GTF2F1: variants seen among roughly 807,000 people sequenced by gnomAD.
GTF2F1 encodes the protein general transcription factor IIF 74 kDa subunit.
A neutral mutation model predicts 63.5 loss-of-function variants in GTF2F1; 39 were observed. That is an observed-to-expected ratio of 0.61 (90% CI 0.48 to 0.80). The LOEUF (loss-of-function observed/expected upper bound fraction) is 0.80. GTF2F1 is among the 30% of genes least tolerant of loss of function. The probability of loss-of-function intolerance (pLI) is 0.00; values close to 1 mark genes in which losing one functional copy is unlikely to be tolerated. For synonymous variants in GTF2F1, 287 were observed against 285.3 expected (o/e 1.01, Z -0.06); for missense variants, 657 against 718.3 (o/e 0.91, Z 0.97).
intron 4 of GTF2F1, among the ~76,000 whole-genome samples, chr19:6,388,900 C>T (rs553486753): frequency 2.0e-5 from 3 of 152,238 alleles, no homozygotes; most frequent in South Asian, 2.1e-4. Flanking sequence ...GAGCTACGAT[C>T]GCACCACTGC....
chr19:6,388,927 C>T (rs573355356), intron 4 of GTF2F1, among the ~76,000 whole-genome samples: 2 of 152,200 alleles, frequency 1.3e-5, no homozygotes, highest in South Asian at 2.1e-4. Context: ...GCCTGGGCAA[C>T]GGAGTGAGAC....
At position 6,381,723 on chromosome 19, in the gene GTF2F1, C is replaced by G. The variant is rs143508435; in HGVS notation, c.810G>C (p.Glu270Asp). 3.1e-6 allele frequency: 5 copies of G among 1,614,194 alleles called. No homozygotes were observed. Among genetic ancestry groups the G allele is most frequent in the Middle Eastern group, 1.6e-4 (1 of 6,062 alleles). Residue 270 changes from glutamate (E) to aspartate (D), a missense_variant, in exon 7 of 13, where the codon GAG becomes GAC. Around this residue, in one of 2 missense-constraint regions of GTF2F1, gnomAD observed 602 missense variants for 625.6 expected, o/e 0.96. Coordinates refer to ENST00000394456, the MANE Select transcript of GTF2F1 (RefSeq NM_002096.3). This position sits in a 1 kb window ranked among gnomAD's most constrained non-coding sequence, Gnocchi z 4.1. Reference sequence around the variant, plus strand: ...TGGAGCCGTCTGACATGTAGTCCACCTCTTGGCCCTCGAAGTCCCCATCAT... The same window carrying G: ...TGGAGCCGTCTGACATGTAGTCCACGTCTTGGCCCTCGAAGTCCCCATCAT... ...DSDDGDFEGQ[E>D]VDYMSDGSSS...
chr19:6,389,595 C>T lies in GTF2F1; in HGVS notation c.175G>A (p.Glu59Lys), dbSNP rs761604504. 6.2e-7 allele frequency: 1 copy of T among 1,614,178 alleles called. No homozygotes were observed. The highest frequency in any genetic ancestry group is 1.7e-5 in the Admixed American group (1 of 60,036). Reference sequence around the variant, plus strand: ...GCGCCCGATTCGGGCATCTCCTCCTCTTGGTAGATTTTCTTGTTGCTCAAG... The same window carrying T: ...GCGCCCGATTCGGGCATCTCCTCCTTTTGGTAGATTTTCTTGTTGCTCAAG... ...RDLSNKKIYQ[E>K]EEMPESGAGS... The change falls in exon 4 of 13, where the codon GAG becomes AAG. Residue 59 changes from glutamate to lysine, a missense_variant. Glu to Lys is a moderately conservative substitution (Grantham distance 56, BLOSUM62 1). This residue lies in a region of GTF2F1 where 602 missense variants were observed against 625.6 expected (regional missense o/e 0.96). Coordinates refer to ENST00000394456, the MANE Select transcript of GTF2F1 (RefSeq NM_002096.3).
Position 6,392,531 on chromosome 19 carries a change from TGGAAA to T in GTF2F1, c.59+321_59+325del, listed in dbSNP as rs1335943806. Reference sequence around the variant, plus strand: ...CAGAGGAACAGGATGTACAAAGGCCTGGAAAGGAAAGACAGCCTGACCACTTTGAA... The same window carrying T: ...CAGAGGAACAGGATGTACAAAGGCCTGGAAAGACAGCCTGACCACTTTGAA... On this transcript the variant is annotated intron_variant, in intron 2 of 12. Coordinates refer to ENST00000394456, the MANE Select transcript of GTF2F1 (RefSeq NM_002096.3). 3.5e-4 allele frequency: 196 copies of T among 555,292 alleles called. No individual in the cohort carries two copies. In the East Asian group the frequency reaches 6.6e-3, roughly 19 times the overall value. The allele number at this position is 555,292 out of a possible 1,614,324, so 34.4% of individuals were successfully genotyped here.
intron 4 of GTF2F1, among the ~76,000 whole-genome samples, chr19:6,389,090 G>A (rs554058406): frequency 1.3e-5 from 2 of 152,006 alleles, no homozygotes; most frequent in Non-Finnish European, 2.9e-5. Flanking sequence ...AAAATTAGCT[G>A]GGCGTGGTGG....
chr19:6,387,490 G>C lies in GTF2F1; in HGVS notation c.396C>G (p.Asp132Glu). 5.0e-6 allele frequency: 8 copies of C among 1,614,110 alleles called. No homozygotes were observed. Among genetic ancestry groups the C allele is most frequent in the Non-Finnish European group, 6.8e-6 (8 of 1,179,916 alleles). The change falls in exon 5 of 13, where the codon GAC becomes GAG. Residue 132 changes from aspartate (D) to glutamate (E), a missense_variant. By Grantham distance (45) the Asp-to-Glu change is conservative. Coordinates refer to ENST00000394456, the MANE Select transcript of GTF2F1 (RefSeq NM_002096.3). ...GCACGGGGAAGGCCTCGAAGGCCCC[G>C]TCGGGGCACTGGGTGAAGATGTAGT... ...TSYYIFTQCP[D>E]GAFEAFPVHN...
In GTF2F1 at chr19:6,380,028, G is replaced by A. The variant is rs2091940234; in HGVS notation, c.*253C>T. ...AGGGAGGCCGAGCCAGGAGGAGGAG[G>A]ACAATAAGAAGGCCTAACAGGCATC... On this transcript the variant is annotated 3_prime_UTR_variant, in exon 13 of 13. Transcript: ENST00000394456. The surrounding 1 kb of genome is among the most constrained non-coding windows in gnomAD (Gnocchi z 5.3). The A allele has an allele frequency of 1.4e-5, 8 of 560,188 alleles. No individual in the cohort carries two copies. The highest frequency in any genetic ancestry group is 2.6e-5 in the Non-Finnish European group (8 of 312,240). The allele number at this position is 560,188 out of a possible 1,614,324, so 34.7% of individuals were successfully genotyped here. A position where few individuals can be genotyped will look rare whatever the true frequency, so the allele number is the denominator to read the frequency against.
chr19:6,389,245 CAAGT>C lies in GTF2F1; in HGVS notation c.326+195_326+198del, dbSNP rs1468695507. Reference sequence around the variant, plus strand: ...AGCAAGACTCTGTCTCAAAAAAATACAAGTAAGTAAAATAAGATAACATAAATAA... The same window carrying C: ...AGCAAGACTCTGTCTCAAAAAAATACAAGTAAAATAAGATAACATAAATAA... On this transcript the variant is annotated intron_variant, in intron 4 of 12. Transcript: ENST00000394456. 4.7e-5 allele frequency among the ~76,000 whole-genome samples: 7 copies of C among 150,524 alleles called. No homozygotes were observed. The East Asian group carries it at 5.8e-4, about 12-fold the overall frequency.
intron 3 of GTF2F1, among the ~76,000 whole-genome samples, chr19:6,391,012 T>C (rs1323792815): frequency 6.6e-6 from 1 of 152,226 alleles, no homozygotes; most frequent in Non-Finnish European, 1.5e-5. Flanking sequence ...CTTAAGCTCT[T>C]GATTTAAGGT....
At position 6,380,633 on chromosome 19, in the gene GTF2F1, T is replaced by C; in HGVS notation, c.1289A>G (p.Gln430Arg). Residue 430 changes from glutamine (Q) to arginine (R), a missense_variant, in exon 12 of 13, where the codon CAG (glutamine) becomes CGG (arginine). This residue lies in a region of GTF2F1 where 602 missense variants were observed against 625.6 expected (regional missense o/e 0.96). Transcript: ENST00000394456. This position sits in a 1 kb window ranked among gnomAD's most constrained non-coding sequence, Gnocchi z 5.3. ...AKRLRLDTGPQSLSGKSTPQP... is the reference protein window; with the variant it reads ...AKRLRLDTGPRSLSGKSTPQP... ...GGGTGTCGACTTCCCAGACAGGCTC[T>C]GGGGTCCCGTGTCCAGCCGCAACCG... 1 of 1,613,906 alleles carries C rather than the reference T, an allele frequency of 6.2e-7. No homozygotes were observed. The highest frequency in any genetic ancestry group is 8.5e-7 in the Non-Finnish European group (1 of 1,180,018).
In GTF2F1 at chr19:6,381,606, T is replaced by A; in HGVS notation, c.846A>T (p.Gln282His). The change falls in exon 8 of 13, where the codon CAA becomes CAT. Residue 282 changes from glutamine to histidine, a missense_variant. Gln to His is a conservative substitution (Grantham distance 24). Transcript: ENST00000394456. The surrounding 1 kb of genome is among the most constrained non-coding windows in gnomAD (Gnocchi z 4.1). ...DYMSDGSSSS[Q>H]EEPESKAKAP... ...CCTTGGCCTTGCTCTCAGGCTCTTC[T>A]TGGGAGCTACTGTAAGACGGGGATG... The A allele has an allele frequency of 6.2e-7, 1 of 1,613,944 alleles. No homozygotes were observed. Among genetic ancestry groups the A allele is most frequent in the Non-Finnish European group, 8.5e-7 (1 of 1,180,028 alleles).
intron 4 of GTF2F1, among the ~76,000 whole-genome samples, chr19:6,388,882 C>A (rs898684891): frequency 2.6e-5 from 4 of 152,120 alleles, no homozygotes; most frequent in Admixed American, 1.3e-4. Context: ...GGAGTTGGAG[C>A]CTGCAGTGAG....
Position 6,381,133 on chromosome 19 carries a change from G to A in GTF2F1, c.1081C>T (p.Leu361Phe). Residue 361 changes from leucine (L) to phenylalanine (F), a missense_variant, in exon 10 of 13, where the codon CTC (leucine) becomes TTC (phenylalanine). Coordinates refer to ENST00000394456, the MANE Select transcript of GTF2F1 (RefSeq NM_002096.3). The surrounding 1 kb of genome is among the most constrained non-coding windows in gnomAD (Gnocchi z 4.1). ...SDIDSEASSA[L>F]FMAKKKTPPK... The stretch of plus-strand genomic sequence containing the variant: ...GGGCTGGGCCTTACCGCCATGAAGA[G>A]GGCTGAGGAGGCCTCGCTGTCAATG... The A allele has an allele frequency of 1.2e-6, 2 of 1,612,000 alleles. No homozygotes were observed. The highest frequency in any genetic ancestry group is 8.5e-7 in the Non-Finnish European group (1 of 1,179,286).
chr19:6,388,054 C>A (rs530583298), intron 4 of GTF2F1, among the ~76,000 whole-genome samples: 1 of 145,962 alleles, frequency 6.9e-6, no homozygotes, highest in South Asian at 2.1e-4. Flanking sequence ...CTCAGCCTCC[C>A]GAGTAGCTGG....
rs1450710209 is a variant in GTF2F1, at chr19:6,391,567, C to A, written c.132+335G>T. On this transcript the variant is annotated intron_variant, in intron 3 of 12. Transcript: ENST00000394456. Reference sequence around the variant, plus strand: ...CCCTGGGCTCAAGCGATCCTCCTACCTCAGCCTCCTATGTAGGACTACAGA... The same window carrying A: ...CCCTGGGCTCAAGCGATCCTCCTACATCAGCCTCCTATGTAGGACTACAGA... Among the ~76,000 whole-genome samples the A allele has an allele frequency of 2.0e-5, 3 of 150,368 alleles. No individual in the cohort carries two copies. In the East Asian group the frequency reaches 5.9e-4, roughly 30 times the overall value.
At chr19:6,392,729 G>A in intron 2 of GTF2F1, 128 bp downstream of exon 2, 1 of 901,010 alleles carries the variant, frequency 1.1e-6, no homozygotes, top group Non-Finnish European at 1.8e-6. Flanking sequence ...TCCCAGCCCT[G>A]CCCTCCAAGT....
rs761814202 is a variant in GTF2F1 at position 6,381,157 on chromosome 19, T to C, written c.1057A>G (p.Ile353Val). 3.1e-6 allele frequency: 5 copies of C among 1,612,014 alleles called. No individual in the cohort carries two copies. Among genetic ancestry groups the C allele is most frequent in the Non-Finnish European group, 4.2e-6 (5 of 1,179,326 alleles). ...EESDSSEESD[I>V]DSEASSALFM... Reference sequence around the variant, plus strand: ...AGGGCTGAGGAGGCCTCGCTGTCAATGTCGCTCTCCTCTGAGCTGTCCGAC... The same window carrying C: ...AGGGCTGAGGAGGCCTCGCTGTCAACGTCGCTCTCCTCTGAGCTGTCCGAC... The change falls in exon 10 of 13, where the codon ATT becomes GTT. Residue 353 changes from isoleucine to valine, a missense_variant. By Grantham distance (29) the Ile-to-Val change is conservative. Around this residue, in one of 2 missense-constraint regions of GTF2F1, gnomAD observed 602 missense variants for 625.6 expected, o/e 0.96. Coordinates refer to ENST00000394456, the MANE Select transcript of GTF2F1 (RefSeq NM_002096.3). The surrounding 1 kb of genome is among the most constrained non-coding windows in gnomAD (Gnocchi z 4.1).
In GTF2F1 at chr19:6,381,879, G is replaced by A. The variant is rs762490454; in HGVS notation, c.683-29C>T. 6.4e-7 allele frequency: 1 copy of A among 1,569,204 alleles called. No individual in the cohort carries two copies. Among genetic ancestry groups the A allele is most frequent in the Non-Finnish European group, 8.7e-7 (1 of 1,145,254 alleles). ...GGAAGGGAGGAAAGGAAGGAAAGGA[G>A]GGAAAGTGAGGAGGAAGGCAGTGGG... is the stretch of plus-strand genomic sequence containing the variant. On this transcript the variant is annotated intron_variant, in intron 6 of 12. Coordinates refer to ENST00000394456, the MANE Select transcript of GTF2F1 (RefSeq NM_002096.3). The surrounding 1 kb of genome is among the most constrained non-coding windows in gnomAD (Gnocchi z 4.1).
At chr19:6,385,878 G>A (rs973207193) in intron 5 of GTF2F1, among the ~76,000 whole-genome samples, 11 of 152,118 alleles carry the variant, frequency 7.2e-5, no homozygotes, top group Non-Finnish European at 1.5e-4. Flanking sequence ...GAGGTCAGGA[G>A]ATCGAGACCA....
Sources: allele counts gnomAD v4.1 joint callset (sites outside exome capture counted in the v4.1 genomes callset), GRCh38; gene constraint gnomAD v4.1.1; regional missense constraint gnomAD v4.1.1; non-coding constraint Gnocchi (gnomAD v3.1); transcripts MANE v1.5; gene names NCBI Gene and HGNC (gene_info 2026-07-23, HGNC 2026-07-21).